PCDHGA4: variants seen among roughly 807,000 people sequenced by gnomAD.
PCDHGA4 encodes the protein protocadherin gamma-A4.
PCDHGA4 carries 38 observed loss-of-function variants against 54.6 expected under a neutral mutation model. The ratio of observed to expected loss-of-function variants is 0.70; its 90% CI spans 0.54 to 0.91. PCDHGA4 has a LOEUF of 0.91. Ranked by LOEUF, PCDHGA4 falls within the 40% of genes least tolerant of loss-of-function variation. The pLI is 0.00. For missense variants in PCDHGA4, 1,298 were observed against 1,220.9 expected (o/e 1.06, Z -0.94); for synonymous variants, 511 against 512.9 (o/e 1.00, Z 0.05).
intron 1 of PCDHGA4, chr5:141,421,983 T>G: frequency 6.2e-7 from 1 of 1,609,228 alleles, no homozygotes; most frequent in Non-Finnish European, 8.5e-7. Context: ...GCGTGAGTGT[T>G]CCAGAAAACA....
intron 1 of PCDHGA4, chr5:141,415,748 T>TTG (rs2095929710): frequency 9.9e-7 from 1 of 1,008,886 alleles, no homozygotes; most frequent in South Asian, 2.7e-5. Context: ...AGGTTTTTTT[T>TTG]TTTTTTTTTT....
chr5:141,417,980 C>A lies in PCDHGA4; in HGVS notation c.2514+60359C>A, dbSNP rs905203424. On this transcript the variant is annotated intron_variant, in intron 1 of 3. Transcript: ENST00000571252. ...GATCCGCTACTCGATTCCGGAGGAG[C>A]TGGCCAAGGGCTCGGTGGTGGGGAA... is the stretch of plus-strand genomic sequence containing the variant. 4.3e-6 allele frequency: 7 copies of A among 1,613,856 alleles called. No homozygotes were observed. The Admixed American group carries it at 1.0e-4, about 23-fold the overall frequency.
At chr5:141,382,772 C>G (rs1778420393) in intron 1 of PCDHGA4, 1 of 776,996 alleles carries the variant, frequency 1.3e-6, no homozygotes, top group Non-Finnish European at 2.0e-6. Context: ...CCAGGCTGCA[C>G]TAAACTCAAG....
intron 1 of PCDHGA4, 191 bp downstream of exon 1, chr5:141,357,812 C>T (rs1027882295): frequency 1.1e-5 from 8 of 753,406 alleles, no homozygotes; most frequent in African/African-American, 1.8e-5. Context: ...TTGTTTATTA[C>T]TTATCCTTTT....
intron 1 of PCDHGA4, among the ~76,000 whole-genome samples, chr5:141,435,743 G>T (rs3805699): frequency 0.11 from 17,212 of 152,168 alleles, 1,160 homozygotes; most frequent in African/African-American, 0.18. Context: ...TCTTTGAAAA[G>T]CATTGCTTGA....
At chr5:141,380,965 A>G (rs575114972) in intron 1 of PCDHGA4, among the ~76,000 whole-genome samples, 2 of 152,370 alleles carry the variant, frequency 1.3e-5, no homozygotes, top group Admixed American at 1.3e-4. Context: ...CAAAAGTACT[A>G]TTAAACAAAT....
At chr5:141,415,259 T>A (rs778452630) in intron 1 of PCDHGA4, 5 of 1,614,226 alleles carry the variant, frequency 3.1e-6, no homozygotes, top group Admixed American at 1.7e-5. Flanking sequence ...GACCTCACTC[T>A]GTACCTGGTG....
chr5:141,460,576 G>A (rs2098992216), intron 1 of PCDHGA4, among the ~76,000 whole-genome samples: 1 of 152,082 alleles, frequency 6.6e-6, no homozygotes, highest in Non-Finnish European at 1.5e-5. Flanking sequence ...ACATATGTAG[G>A]TGTGGGTTTT....
Position 141,494,824 on chromosome 5 carries a change from G to A in PCDHGA4, c.2532G>A (p.Thr844=), listed in dbSNP as rs1423741889. The A allele has an allele frequency of 1.8e-5, 29 of 1,613,924 alleles. No homozygotes were observed. Among genetic ancestry groups the A allele is most frequent in the Non-Finnish European group, 2.4e-5 (28 of 1,180,032 alleles). Residue 844 remains threonine (T), a synonymous_variant, in exon 2 of 4, where the codon ACG becomes ACA. Transcript: ENST00000571252. The part of the protein sequence containing the change: ...DPNLQQAPPN[T]DWRFSQAQRP... ...CTCCACAGCAAGCCCCGCCCAACAC[G>A]GACTGGCGTTTCTCTCAGGCCCAGA...
chr5:141,358,895 T>C (rs1761048848), intron 1 of PCDHGA4, among the ~76,000 whole-genome samples: 1 of 152,230 alleles, frequency 6.6e-6, no homozygotes, highest in Non-Finnish European at 1.5e-5. Flanking sequence ...GATTATTTTA[T>C]ATGAGGGAAA....
chr5:141,499,029 A>AAGGAAGGAAGG lies in PCDHGA4; in HGVS notation c.2573+4165_2573+4166insGGAAGGAAGGA, dbSNP rs1562187768. ...GGAAGGAAGGAAGGAAGGAAGGAAG[A>AAGGAAGGAAGG]AAAGAAAGAAAAAGGGAGAAAAAAT... On this transcript the variant is annotated intron_variant, in intron 2 of 3. Transcript: ENST00000571252. 4.1e-4 allele frequency among the ~76,000 whole-genome samples: 57 copies of AAGGAAGGAAGG among 140,074 alleles called. 2 individuals are homozygous for AAGGAAGGAAGG. Among genetic ancestry groups the AAGGAAGGAAGG allele is most frequent in the African/African-American group, 1.4e-3 (52 of 36,074 alleles). 91.9% of individuals were successfully genotyped at this position (140,074 alleles called of 152,430 possible).
intron 1 of PCDHGA4, chr5:141,374,173 G>A: frequency 6.2e-7 from 1 of 1,613,470 alleles, no homozygotes; most frequent in Non-Finnish European, 8.5e-7. Flanking sequence ...CGGCAGCGCA[G>A]ATCCGCTACT....
intron 1 of PCDHGA4, chr5:141,404,805 C>G (rs770534822): frequency 1.3e-5 from 21 of 1,613,960 alleles, no homozygotes; most frequent in Non-Finnish European, 1.8e-5. Context: ...GGGCTCTTCT[C>G]GGTGGGGCTG....
At chr5:141,495,010 G>T (rs1327870362) in intron 2 of PCDHGA4, 145 bp downstream of exon 2, 1 of 1,516,970 alleles carries the variant, frequency 6.6e-7, no homozygotes, top group Non-Finnish European at 8.9e-7. Flanking sequence ...GTGTGCGGGG[G>T]GCTGGCACAC....
intron 1 of PCDHGA4, among the ~76,000 whole-genome samples, chr5:141,462,382 C>T (rs80320684): frequency 0.016 from 2,433 of 152,148 alleles, 70 homozygotes; most frequent in African/African-American, 0.055. Flanking sequence ...CTTTTAAATT[C>T]GTTAACATTT....
chr5:141,467,409 C>T (rs2099143590), intron 1 of PCDHGA4, among the ~76,000 whole-genome samples: 1 of 152,132 alleles, frequency 6.6e-6, no homozygotes, highest in South Asian at 2.1e-4. Context: ...GAAAGCCTTT[C>T]CCCACACCTA....
chr5:141,400,030 C>G (rs201599536), intron 1 of PCDHGA4: 3 of 1,613,050 alleles, frequency 1.9e-6, no homozygotes, highest in Non-Finnish European at 2.5e-6. Flanking sequence ...GGACGCGGCC[C>G]GCCAGCGCCT....
intron 1 of PCDHGA4, chr5:141,372,002 C>T (rs1010544928): frequency 3.1e-6 from 5 of 1,613,170 alleles, no homozygotes; most frequent in Non-Finnish European, 4.2e-6. Context: ...AGGCCCGCGA[C>T]CAGGGCTCGC....
chr5:141,388,903 A>G (rs910200040), intron 1 of PCDHGA4: 14 of 1,614,010 alleles, frequency 8.7e-6, no homozygotes, highest in Non-Finnish European at 1.2e-5. Flanking sequence ...GATGAAAATG[A>G]CAACGCCCCA....
Sources: gnomAD v4.1 joint callset for allele counts (sites outside exome capture counted in the v4.1 genomes callset) on GRCh38, gnomAD v4.1.1 for gene constraint, MANE v1.5 for transcripts, NCBI Gene and HGNC (gene_info 2026-07-23, HGNC 2026-07-21) for gene names.